AUTS2: variants seen among roughly 807,000 people sequenced by gnomAD.
The protein encoded by AUTS2 is autism susceptibility gene 2 protein.
Under a neutral mutation model 112.4 loss-of-function variants are expected in AUTS2, and 17 were observed. The ratio of observed to expected loss-of-function variants is 0.15; its 90% CI spans 0.10 to 0.23. The LOEUF is 0.23. Among genes scored for constraint, AUTS2 ranks in the 10% least tolerant of loss-of-function variants. The probability of loss-of-function intolerance (pLI) is 1.00; values close to 1 mark genes in which losing one functional copy is unlikely to be tolerated. For synonymous variants in AUTS2, 751 were observed against 702.7 expected (o/e 1.07, Z -1.09); for missense variants, 1,510 against 1,701.6 (o/e 0.89, Z 1.98).
At chr7:70,118,302 G>T (rs1043485115) in intron 3 of AUTS2, 69 bp downstream of exon 3, 2 of 1,419,650 alleles carry the variant, frequency 1.4e-6, no homozygotes, top group Non-Finnish European at 9.2e-7. Context: ...ACACACCATT[G>T]GTTCAAGTCT....
At chr7:70,468,188 G>A (rs1797242076) in intron 5 of AUTS2, among the ~76,000 whole-genome samples, 1 of 152,196 alleles carries the variant, frequency 6.6e-6, no homozygotes, top group South Asian at 2.1e-4. Context: ...CAGACTAGGA[G>A]CATTGTGTCC....
At position 70,082,655 on chromosome 7, in the gene AUTS2, A is replaced by G. The variant is rs187977202; in HGVS notation, c.523-35477A>G. The stretch of plus-strand genomic sequence containing the variant: ...ATTTCTTGAACTTTCTGTTAACAGA[A>G]TATCTCCTCGCCTTTTATGTAGCCC... On this transcript the variant is annotated intron_variant, in intron 2 of 18. Coordinates refer to ENST00000342771, the MANE Select transcript of AUTS2 (RefSeq NM_015570.4). Among the ~76,000 whole-genome samples the G allele has an allele frequency of 1.2e-4, 19 of 152,338 alleles. No individual in the cohort carries two copies. The East Asian group carries it at 2.3e-3, about 19-fold the overall frequency.
At chr7:70,559,263 G>A (rs894042131) in intron 5 of AUTS2, among the ~76,000 whole-genome samples, 2 of 151,964 alleles carry the variant, frequency 1.3e-5, no homozygotes, top group Non-Finnish European at 2.9e-5. Flanking sequence ...CCAATCTTGA[G>A]TGTATCTTTA....
intron 4 of AUTS2, among the ~76,000 whole-genome samples, chr7:70,254,083 T>C (rs981298277): frequency 1.1e-4 from 16 of 152,302 alleles, no homozygotes; most frequent in African/African-American, 3.6e-4. Context: ...GTCTAGCTCA[T>C]GGATGTAGAT....
At chr7:70,535,266 C>T (rs1800271117) in intron 5 of AUTS2, among the ~76,000 whole-genome samples, 1 of 152,116 alleles carries the variant, frequency 6.6e-6, no homozygotes, top group Admixed American at 6.5e-5. Context: ...GCACAGAGAG[C>T]ACTTGGTGCC....
At chr7:70,580,898 T>G (rs1384815176) in intron 5 of AUTS2, among the ~76,000 whole-genome samples, 1 of 152,182 alleles carries the variant, frequency 6.6e-6, no homozygotes, top group East Asian at 1.9e-4. Context: ...TGCATTTGCC[T>G]CAGAAGATGG....
At chr7:69,796,645 C>T (rs1403206299) in intron 1 of AUTS2, among the ~76,000 whole-genome samples, 1 of 152,082 alleles carries the variant, frequency 6.6e-6, no homozygotes, top group Non-Finnish European at 1.5e-5. Context: ...TATGGTCATA[C>T]CTCTCCAAAT....
chr7:70,575,473 A>G (rs1210768039), intron 5 of AUTS2, among the ~76,000 whole-genome samples: 1 of 151,260 alleles, frequency 6.6e-6, no homozygotes, highest in Non-Finnish European at 1.5e-5. Flanking sequence ...GAATGATTCC[A>G]CTTGTGGTTA....
chr7:70,311,790 C>G (rs950404507), intron 4 of AUTS2, among the ~76,000 whole-genome samples: 1 of 152,224 alleles, frequency 6.6e-6, no homozygotes, highest in East Asian at 1.9e-4. Context: ...CATCTCTGCT[C>G]ACTGCAAGCT....
intron 5 of AUTS2, chr7:70,437,520 A>C (rs1207566317): frequency 6.6e-6 from 1 of 152,206 alleles, no homozygotes; most frequent in Non-Finnish European, 1.5e-5. Flanking sequence ...TCAGGGTCGT[A>C]CAACCAAGCT....
chr7:70,776,014 G>T lies in AUTS2; in HGVS notation c.1932+628G>T, dbSNP rs547822624. Among the ~76,000 whole-genome samples the T allele has an allele frequency of 7.6e-4, 116 of 152,222 alleles. 2 individuals carry two copies. In the Middle Eastern group the frequency reaches 0.01, roughly 13 times the overall value. ...TTGCTATGCATAACTCATTTCTAGGGCACATAATCAGATAATTTGATTTCT... is the reference window on the plus strand; with the variant it reads ...TTGCTATGCATAACTCATTTCTAGGTCACATAATCAGATAATTTGATTTCT... On this transcript the variant is annotated intron_variant, in intron 13 of 18. Coordinates refer to ENST00000342771, the MANE Select transcript of AUTS2 (RefSeq NM_015570.4).
chr7:70,444,001 C>T (rs1031284088), intron 5 of AUTS2, among the ~76,000 whole-genome samples: 1 of 152,150 alleles, frequency 6.6e-6, no homozygotes, highest in African/African-American at 2.4e-5. Flanking sequence ...TTCTGTGTTC[C>T]CACAGAAAAG....
intron 6 of AUTS2, among the ~76,000 whole-genome samples, chr7:70,728,876 A>G (rs1389372276): frequency 2.0e-5 from 3 of 152,078 alleles, no homozygotes; most frequent in Non-Finnish European, 4.4e-5. Context: ...TTCTTAACTG[A>G]TCCATTAACT....
chr7:70,006,487 G>A (rs1799549685), intron 2 of AUTS2, among the ~76,000 whole-genome samples: 1 of 152,192 alleles, frequency 6.6e-6, no homozygotes, highest in African/African-American at 2.4e-5. Flanking sequence ...TGGGCTGCAC[G>A]TTTCTTTTGC....
chr7:70,540,854 GGTT>G (rs1372767361), intron 5 of AUTS2, among the ~76,000 whole-genome samples: 3 of 152,166 alleles, frequency 2.0e-5, no homozygotes, highest in Non-Finnish European at 4.4e-5. Context: ...ACTCAGGAAA[GGTT>G]GTCTAATGCC....
intron 5 of AUTS2, among the ~76,000 whole-genome samples, chr7:70,461,520 G>A (rs75471948): frequency 5.5e-4 from 84 of 152,236 alleles, no homozygotes; most frequent in African/African-American, 1.8e-3. Flanking sequence ...GTGCGCATCC[G>A]CTTTGAAGCT....
chr7:69,650,916 G>A (rs1473957429), intron 1 of AUTS2, among the ~76,000 whole-genome samples: 1 of 152,118 alleles, frequency 6.6e-6, no homozygotes, highest in African/African-American at 2.4e-5. Context: ...TGTGCAAGTC[G>A]CCCGTGCTAT....
At chr7:69,912,839 T>A (rs939416653) in intron 2 of AUTS2, among the ~76,000 whole-genome samples, 1 of 152,218 alleles carries the variant, frequency 6.6e-6, no homozygotes, top group South Asian at 2.1e-4. Context: ...GCTTCCTGTT[T>A]CCTTGTTCCT....
rs73432135 is a variant in AUTS2, at chr7:69,957,724, A to C, written c.522+58226A>C. 8.7e-3 allele frequency among the ~76,000 whole-genome samples: 1,332 copies of C among 152,254 alleles called. 26 individuals are homozygous for C. The highest frequency in any genetic ancestry group is 0.03 in the African/African-American group (1,253 of 41,540). On this transcript the variant is annotated intron_variant, in intron 2 of 18. Coordinates refer to ENST00000342771, the MANE Select transcript of AUTS2 (RefSeq NM_015570.4). The stretch of plus-strand genomic sequence containing the variant: ...AGAAGGAAAAGGTGAGGACACAGGA[A>C]GGGAGTGAAACAGGGAGGGTGTTTG...
Sources: gnomAD v4.1 joint callset for allele counts (sites outside exome capture counted in the v4.1 genomes callset) on GRCh38, gnomAD v4.1.1 for gene constraint, MANE v1.5 for transcripts, NCBI Gene and HGNC (gene_info 2026-07-23, HGNC 2026-07-21) for gene names.